The following ENOX2 variants were observed in gnomAD, a reference collection of about 807,000 sequenced individuals.
The protein encoded by ENOX2 is ecto-NOX disulfide-thiol exchanger 2.
A neutral mutation model predicts 45.0 loss-of-function variants in ENOX2; 36 were observed. That is an observed-to-expected ratio of 0.80 (90% CI 0.61 to 1.06). The LOEUF (loss-of-function observed/expected upper bound fraction) is 1.06, where lower values mean the gene tolerates loss of function less well. Ranked by LOEUF, ENOX2 falls within the 50% of genes least tolerant of loss-of-function variation. ENOX2 has a pLI of 0.00. For synonymous variants in ENOX2, 174 were observed against 152.3 expected, an observed-to-expected ratio of 1.14 and a Z score of -1.05; for missense variants, 423 against 462.5, an observed-to-expected ratio of 0.91 and a Z score of 0.78.
At chrX:130,682,343 G>A (rs1236280068) in intron 5 of ENOX2, among the ~76,000 whole-genome samples, 1 of 109,184 alleles carries the variant, frequency 9.2e-6, no homozygotes, top group African/African-American at 3.3e-5. Context: ...AAAATTCTTT[G>A]GGGGGCTGAG....
intron 10 of ENOX2, among the ~76,000 whole-genome samples, chrX:130,655,375 G>C (rs1388442904): frequency 9.0e-6 from 1 of 111,388 alleles, no homozygotes; most frequent in Non-Finnish European, 1.9e-5. Context: ...TTCTGTTCAT[G>C]GAGTGAAAAT....
rs758361765 is a variant in ENOX2 at position 130,853,483 on chromosome X, A to G, written c.-183+48201T>C. 4.7e-4 allele frequency among the ~76,000 whole-genome samples: 51 copies of G among 107,782 alleles called. 2 individuals carry two copies. The South Asian group carries it at 9.8e-3, about 21-fold the overall frequency. The allele number at this position is 107,782 out of a possible 115,157, so 93.6% of individuals were successfully genotyped here. A position where few individuals can be genotyped will look rare whatever the true frequency, so the allele number is the denominator to read the frequency against. On this transcript the variant is annotated intron_variant, in intron 2 of 14. Coordinates refer to ENST00000394363, the MANE Select transcript of ENOX2 (RefSeq NM_006375.4). The stretch of plus-strand genomic sequence containing the variant: ...CGTCTCAAAAAAAAAAAAAAAAAAA[A>G]AAAGAAAGAAAGCCAGCTTTCTCTA...
At chrX:130,879,829 TA>T in intron 2 of ENOX2, among the ~76,000 whole-genome samples, 1 of 112,185 alleles carries the variant, frequency 8.9e-6, no homozygotes. Context: ...ACTGGTTTCC[TA>T]AACAAAGTAA....
In ENOX2 at chrX:130,643,911, T is replaced by C. The variant is rs182159353; in HGVS notation, c.1130-6501A>G. Reference sequence around the variant, plus strand: ...ATTCTTCTCAAGCTCACATGGAAGTTTAACCAAGAGAGACCACATTATGGG... The same window carrying C: ...ATTCTTCTCAAGCTCACATGGAAGTCTAACCAAGAGAGACCACATTATGGG... On this transcript the variant is annotated intron_variant, in intron 10 of 14. Transcript: ENST00000394363. Among the ~76,000 whole-genome samples, 5 of 111,728 alleles carry C rather than the reference T, an allele frequency of 4.5e-5. No homozygotes were observed. In the Admixed American group the frequency reaches 4.7e-4, roughly 11 times the overall value.
At chrX:130,829,531 G>A (rs1464681468) in intron 2 of ENOX2, among the ~76,000 whole-genome samples, 1 of 111,400 alleles carries the variant, frequency 9.0e-6, no homozygotes, top group African/African-American at 3.3e-5. Flanking sequence ...GGTGTTAGGG[G>A]TATGCATGCC....
chrX:130,761,173 T>A (rs1177640792), intron 3 of ENOX2, among the ~76,000 whole-genome samples: 1 of 111,758 alleles, frequency 8.9e-6, no homozygotes, highest in Non-Finnish European at 1.9e-5. Context: ...TTGTGTAATA[T>A]TAGTCTCATA....
At chrX:130,778,459 A>G (rs1406761072) in intron 3 of ENOX2, among the ~76,000 whole-genome samples, 1 of 111,514 alleles carries the variant, frequency 9.0e-6, no homozygotes, top group Non-Finnish European at 1.9e-5. Context: ...CTGAGAATGG[A>G]GTTGGGAGGT....
chrX:130,796,211 A>C (rs1220352925), intron 2 of ENOX2, among the ~76,000 whole-genome samples: 1 of 111,729 alleles, frequency 9.0e-6, no homozygotes, highest in East Asian at 2.8e-4. Flanking sequence ...AGAGATATTC[A>C]GGAAATATAA....
intron 2 of ENOX2, among the ~76,000 whole-genome samples, chrX:130,821,155 A>C (rs1000775358): frequency 3.6e-5 from 4 of 111,275 alleles, no homozygotes; most frequent in Non-Finnish European, 7.5e-5. Flanking sequence ...CCTCTTCAGT[A>C]AGTTATGTTT....
At position 130,635,131 on chromosome X, in the gene ENOX2, G is replaced by T. The variant is rs184892186; in HGVS notation, c.1312-40C>A. 227 of 777,069 alleles carry T rather than the reference G, an allele frequency of 2.9e-4. 1 individual carries two copies. In the East Asian group the frequency reaches 7.0e-3, roughly 24 times the overall value. 64.0% of individuals were successfully genotyped at this position (777,069 alleles called of 1,213,427 possible). On this transcript the variant is annotated intron_variant, in intron 11 of 14. Transcript: ENST00000394363. ...CAAAGACAATCAATTTATGAATTAC[G>T]GAGCCACACTTCATTTAAAATCTCT...
chrX:130,623,624 C>T lies in ENOX2; in HGVS notation c.*1690G>A, dbSNP rs2035473866. ...ATTAAAATTAGGTATTCCAAGAGCC[C>T]GAGACTGATGAATCAAAGCCTTCCG... On this transcript the variant is annotated 3_prime_UTR_variant, in exon 15 of 15. Transcript: ENST00000394363. 1 of 111,592 alleles carries T rather than the reference C, an allele frequency of 9.0e-6. No homozygotes were observed. The highest frequency in any genetic ancestry group is 3.8e-4 in the South Asian group (1 of 2,636). The allele number at this position is 111,592 out of a possible 1,213,427, so 9.2% of individuals were successfully genotyped here. A position where few individuals can be genotyped will look rare whatever the true frequency, so the allele number is the denominator to read the frequency against.
At chrX:130,668,074 T>TGA (rs1408573516) in intron 7 of ENOX2, among the ~76,000 whole-genome samples, 5 of 107,146 alleles carry the variant, frequency 4.7e-5, no homozygotes, top group African/African-American at 1.4e-4. Flanking sequence ...TGTGTGTGTG[T>TGA]GTGAGAGAGA....
intron 2 of ENOX2, among the ~76,000 whole-genome samples, chrX:130,873,614 G>A (rs956411915): frequency 9.9e-5 from 11 of 111,657 alleles, no homozygotes; most frequent in African/African-American, 2.6e-4. Flanking sequence ...TTGTGGCACC[G>A]TTCACAATAC....
chrX:130,707,507 TACACACACACACACAC>T (rs10536173), intron 3 of ENOX2, among the ~76,000 whole-genome samples: 1 of 97,367 alleles, frequency 1.0e-5, no homozygotes, highest in African/African-American at 3.8e-5. Flanking sequence ...TTTTGAAGAC[TACACACACACACACAC>T]ACACACACAC....
intron 10 of ENOX2, among the ~76,000 whole-genome samples, chrX:130,637,784 T>C (rs1405261521): frequency 8.9e-6 from 1 of 112,170 alleles, no homozygotes; most frequent in African/African-American, 3.2e-5. Context: ...AATGCAGCAT[T>C]GAGAAACTTA....
In ENOX2 at chrX:130,827,694, T is replaced by C. The variant is rs750506277; in HGVS notation, c.-182-44004A>G. 7.2e-5 allele frequency among the ~76,000 whole-genome samples: 8 copies of C among 111,852 alleles called. No homozygotes were observed. The East Asian group carries it at 2.2e-3, about 31-fold the overall frequency. On this transcript the variant is annotated intron_variant, in intron 2 of 14. Transcript: ENST00000394363. ...ACATAGCCAGATAAAAGTATATTAATGTCCATCCAATTCTACACAGTTCAA... is the reference window on the plus strand; with the variant it reads ...ACATAGCCAGATAAAAGTATATTAACGTCCATCCAATTCTACACAGTTCAA...
intron 10 of ENOX2, among the ~76,000 whole-genome samples, chrX:130,649,043 CAAAAAAAAAAAAAAAAA>C (rs35154919): frequency 0.08 from 544 of 6,841 alleles, 29 homozygotes; most frequent in African/African-American, 0.16. Context: ...GACTCCATAT[CAAAAAAAAAAAAAAAAA>C]AAAAAAAAAA....
chrX:130,674,074 C>G (rs1179007858), intron 6 of ENOX2, among the ~76,000 whole-genome samples: 1 of 111,697 alleles, frequency 9.0e-6, no homozygotes, highest in East Asian at 2.8e-4. Flanking sequence ...CATGTGTTCT[C>G]ACTTATAAGT....
intron 10 of ENOX2, among the ~76,000 whole-genome samples, chrX:130,654,451 AAAC>A (rs1192827694): frequency 1.2e-4 from 13 of 110,529 alleles, no homozygotes; most frequent in Non-Finnish European, 1.7e-4. Flanking sequence ...GAAAAAAAAA[AAAC>A]AACAACAACA....
Sources: gnomAD v4.1 joint callset for allele counts (sites outside exome capture counted in the v4.1 genomes callset) on GRCh38, gnomAD v4.1.1 for gene constraint, MANE v1.5 for transcripts, NCBI Gene and HGNC (gene_info 2026-07-23, HGNC 2026-07-21) for gene names.